Variants in IGSF11 observed in about 807,000 individuals in gnomAD.
IGSF11 encodes CXADR like 1.
Under a neutral mutation model 41.0 loss-of-function variants are expected in IGSF11, and 22 were observed. That is an observed-to-expected ratio of 0.54 (90% CI 0.38 to 0.77). The LOEUF (loss-of-function observed/expected upper bound fraction) is 0.77. IGSF11 is among the 30% of genes least tolerant of loss of function. IGSF11 has a pLI of 0.00. For synonymous variants in IGSF11, 219 were observed against 201.3 expected, an observed-to-expected ratio of 1.09 and a Z score of -0.74; for missense variants, 444 against 530.8, an observed-to-expected ratio of 0.84 and a Z score of 1.61.
At chr3:119,105,316 C>A (rs1045739510), upstream of IGSF11, 14 of 623,476 alleles carry the variant, frequency 2.2e-5, no homozygotes, top group South Asian at 1.8e-4. Flanking sequence ...TTCTTGGGTA[C>A]AGGATTTGGA....
chr3:118,917,297 C>T (rs1417587075), intron 4 of IGSF11, among the ~76,000 whole-genome samples: 1 of 149,432 alleles, frequency 6.7e-6, no homozygotes, highest in Non-Finnish European at 1.5e-5. Context: ...AAAAACCCTT[C>T]AAAAAATCAA....
chr3:119,060,145 C>T (rs1942007287), intron 1 of IGSF11, among the ~76,000 whole-genome samples: 1 of 152,190 alleles, frequency 6.6e-6, no homozygotes, highest in Non-Finnish European at 1.5e-5. Flanking sequence ...ACCTAACAGC[C>T]TGGACCTTTT....
intron 1 of IGSF11, among the ~76,000 whole-genome samples, chr3:119,003,880 G>A (rs1222706482): frequency 6.7e-6 from 1 of 148,624 alleles, no homozygotes; most frequent in South Asian, 2.2e-4. Context: ...TTTTATTGAG[G>A]ATTTTTGCAT....
intron 1 of IGSF11, among the ~76,000 whole-genome samples, chr3:119,084,037 G>C (rs1382511625): frequency 6.6e-6 from 1 of 152,120 alleles, no homozygotes; most frequent in African/African-American, 2.4e-5. Flanking sequence ...TCCTGACCCT[G>C]TGTAGGCCTA....
chr3:119,007,632 C>T (rs1937595228), intron 1 of IGSF11, among the ~76,000 whole-genome samples: 1 of 152,134 alleles, frequency 6.6e-6, no homozygotes, highest in African/African-American at 2.4e-5. Flanking sequence ...TATCCTTTCC[C>T]CTTCTCTCCA....
intron 4 of IGSF11, among the ~76,000 whole-genome samples, chr3:118,923,447 A>G (rs535969756): frequency 6.6e-6 from 1 of 152,336 alleles, no homozygotes; most frequent in African/African-American, 2.4e-5. Context: ...AAGTCGAGAA[A>G]TTTAACTCTG....
intron 1 of IGSF11, among the ~76,000 whole-genome samples, chr3:119,045,313 G>A (rs541243250): frequency 6.6e-4 from 100 of 152,354 alleles, no homozygotes; most frequent in African/African-American, 2.1e-3. Flanking sequence ...GAAGCAGGGC[G>A]AGGCATTGCC....
In IGSF11 at chr3:118,994,824, T is replaced by C. The variant is rs1241981904; in HGVS notation, c.52+39707A>G. Among the ~76,000 whole-genome samples, 5 of 152,268 alleles carry C rather than the reference T, an allele frequency of 3.3e-5. No homozygotes were observed. The East Asian group carries it at 9.6e-4, about 29-fold the overall frequency. The stretch of plus-strand genomic sequence containing the variant: ...ACAGAGAAGGGAGTAGTTAATTTTA[T>C]CTCAGTATGACCCACACAGGTTTCA... On this transcript the variant is annotated intron_variant, in intron 1 of 6. Coordinates refer to ENST00000393775, the MANE Select transcript of IGSF11 (RefSeq NM_001015887.3).
At chr3:118,934,878 C>A (rs1943122021) in intron 1 of IGSF11, among the ~76,000 whole-genome samples, 1 of 152,116 alleles carries the variant, frequency 6.6e-6, no homozygotes, top group Non-Finnish European at 1.5e-5. Context: ...TGAGTCTTTG[C>A]TCTGTTTTCT....
intron 1 of IGSF11, among the ~76,000 whole-genome samples, chr3:119,073,394 A>G (rs1158803510): frequency 1.3e-5 from 2 of 152,182 alleles, no homozygotes. Flanking sequence ...TGGGCCGCGC[A>G]TCTGCACTCC....
At chr3:119,126,130 C>G (rs578004049) in intron 1 of IGSF11, among the ~76,000 whole-genome samples, 12 of 152,234 alleles carry the variant, frequency 7.9e-5, no homozygotes, top group Non-Finnish European at 7.3e-5. Flanking sequence ...ATGCTCCCTG[C>G]GTGGGAGAAG....
At position 119,026,311 on chromosome 3, in the gene IGSF11, C is replaced by G. The variant is rs1023052096; in HGVS notation, c.52+8220G>C. 2.6e-5 allele frequency among the ~76,000 whole-genome samples: 4 copies of G among 152,188 alleles called. No individual in the cohort carries two copies. The East Asian group carries it at 7.7e-4, about 29-fold the overall frequency. On this transcript the variant is annotated intron_variant, in intron 1 of 6. Coordinates refer to ENST00000393775, the MANE Select transcript of IGSF11 (RefSeq NM_001015887.3). ...ACAGATTTATTGTCTGGCTAGTTGT[C>G]TCTACAGCAATTTCAAAAAAAAGAG...
intron 2 of IGSF11, 25 bp downstream of exon 2, chr3:118,930,087 G>A: frequency 1.2e-6 from 2 of 1,600,022 alleles, no homozygotes; most frequent in Non-Finnish European, 1.7e-6. Context: ...CCTTTTAGAG[G>A]TAGCACAGGA....
chr3:118,982,394 C>T (rs1287364603), intron 1 of IGSF11, among the ~76,000 whole-genome samples: 1 of 152,130 alleles, frequency 6.6e-6, no homozygotes. Context: ...TCCTCCATAC[C>T]CTTTGATAAA....
chr3:118,939,126 T>C (rs192935703), intron 1 of IGSF11, among the ~76,000 whole-genome samples: 56 of 152,352 alleles, frequency 3.7e-4, no homozygotes, highest in Non-Finnish European at 6.3e-4. Flanking sequence ...TATATATTAT[T>C]TTAAAGTAGA....
intron 1 of IGSF11, among the ~76,000 whole-genome samples, chr3:119,047,410 A>C (rs943546275): frequency 1.3e-5 from 2 of 152,230 alleles, no homozygotes; most frequent in African/African-American, 4.8e-5. Flanking sequence ...AGGCCATTAC[A>C]TAATGGTAAA....
At chr3:119,034,892 G>C (rs551009156), upstream of IGSF11, 6,636 of 1,094,228 alleles carry the variant, frequency 6.1e-3, 42 homozygotes, top group South Asian at 0.034. Context: ...CCCAACTCAC[G>C]CCCCGCTACT....
intron 2 of IGSF11, among the ~76,000 whole-genome samples, chr3:118,929,183 A>G (rs889725198): frequency 6.6e-5 from 10 of 152,216 alleles, no homozygotes; most frequent in African/African-American, 2.4e-4. Context: ...CTCTACTATC[A>G]AAGTTAAGTC....
chr3:119,115,236 T>G (rs185433532), intron 1 of IGSF11, among the ~76,000 whole-genome samples: 1 of 152,336 alleles, frequency 6.6e-6, no homozygotes, highest in African/African-American at 2.4e-5. Flanking sequence ...TTTGATACAT[T>G]GGGTTTCCTT....
Sources: allele counts gnomAD v4.1 joint callset (sites outside exome capture counted in the v4.1 genomes callset), GRCh38; gene constraint gnomAD v4.1.1; transcripts MANE v1.5; gene names NCBI Gene and HGNC (gene_info 2026-07-23, HGNC 2026-07-21).